Variants in ZNF385D observed in about 807,000 individuals in gnomAD.
ZNF385D encodes zinc finger protein 385D.
ZNF385D carries 15 observed loss-of-function variants against 35.8 expected under a neutral mutation model. The ratio of observed to expected loss-of-function variants is 0.42; its 90% CI spans 0.28 to 0.64. The LOEUF (loss-of-function observed/expected upper bound fraction) is 0.64. Ranked by LOEUF, ZNF385D falls within the 30% of genes least tolerant of loss-of-function variation. The probability of loss-of-function intolerance (pLI) is 0.23; values close to 1 mark genes in which losing one functional copy is unlikely to be tolerated. For missense variants in ZNF385D, 474 were observed against 494.6 expected (o/e 0.96, Z 0.39); for synonymous variants, 212 against 186.8 (o/e 1.13, Z -1.10).
intron 3 of ZNF385D, among the ~76,000 whole-genome samples, chr3:21,865,461 CA>C (rs1358246239): frequency 6.6e-6 from 1 of 151,996 alleles, no homozygotes; most frequent in African/African-American, 2.4e-5. Context: ...TGAATGGGTC[CA>C]GGGGGATAGA....
intron 3 of ZNF385D, among the ~76,000 whole-genome samples, chr3:21,769,974 C>G (rs1213722167): frequency 6.6e-6 from 1 of 152,130 alleles, no homozygotes. Context: ...CTGACAAAAA[C>G]AAGCAATGGG....
chr3:21,577,763 G>C (rs2063535354), intron 2 of ZNF385D, among the ~76,000 whole-genome samples: 1 of 150,592 alleles, frequency 6.6e-6, no homozygotes, highest in South Asian at 2.1e-4. Flanking sequence ...GATAATTAGT[G>C]ATGTTGAGCA....
At chr3:22,094,190 CAT>C (rs1466116525) in intron 3 of ZNF385D, among the ~76,000 whole-genome samples, 52 of 151,108 alleles carry the variant, frequency 3.4e-4, no homozygotes, top group Non-Finnish European at 5.6e-4. Context: ...TTATATTATT[CAT>C]CTTTTGGTTG....
intron 2 of ZNF385D, among the ~76,000 whole-genome samples, chr3:21,630,315 C>G (rs955837583): frequency 6.6e-5 from 10 of 151,508 alleles, no homozygotes; most frequent in Non-Finnish European, 1.5e-4. Flanking sequence ...AAGTGATTCT[C>G]CTGTCTCAGC....
chr3:21,997,946 A>G (rs954936375), intron 3 of ZNF385D, among the ~76,000 whole-genome samples: 1 of 151,752 alleles, frequency 6.6e-6, no homozygotes, highest in Non-Finnish European at 1.5e-5. Context: ...AGAAATTGAG[A>G]TAGAAGATCA....
chr3:22,025,201 C>G (rs1159499115), intron 3 of ZNF385D, among the ~76,000 whole-genome samples: 1 of 152,160 alleles, frequency 6.6e-6, no homozygotes, highest in Non-Finnish European at 1.5e-5. Flanking sequence ...CTCACCCATG[C>G]TGCCATCAGC....
intron 2 of ZNF385D, among the ~76,000 whole-genome samples, chr3:22,362,107 G>C (rs959217128): frequency 2.0e-5 from 3 of 151,428 alleles, no homozygotes; most frequent in East Asian, 3.9e-4. Flanking sequence ...TAAAACTTCT[G>C]AATTATGGAA....
intron 3 of ZNF385D, among the ~76,000 whole-genome samples, chr3:21,990,694 T>C (rs571140639): frequency 1.3e-5 from 2 of 152,354 alleles, no homozygotes; most frequent in East Asian, 3.9e-4. Context: ...ACAGAAATCT[T>C]GAGTCTTTCC....
At chr3:21,794,891 C>T (rs1411675214) in intron 3 of ZNF385D, among the ~76,000 whole-genome samples, 3 of 152,136 alleles carry the variant, frequency 2.0e-5, no homozygotes, top group East Asian at 1.9e-4. Flanking sequence ...AATATTGTCA[C>T]ATATCATACA....
At chr3:22,084,502 G>C (rs1050768178) in intron 3 of ZNF385D, among the ~76,000 whole-genome samples, 1 of 152,122 alleles carries the variant, frequency 6.6e-6, no homozygotes, top group African/African-American at 2.4e-5. Flanking sequence ...TAATGGTAAA[G>C]GGATCAATTC....
chr3:22,193,245 G>T (rs1263498427), intron 2 of ZNF385D, among the ~76,000 whole-genome samples: 2 of 152,020 alleles, frequency 1.3e-5, no homozygotes, highest in Non-Finnish European at 2.9e-5. Context: ...CTCTTTCACA[G>T]TGTAGCCCTT....
intron 3 of ZNF385D, among the ~76,000 whole-genome samples, chr3:21,939,929 G>A (rs963370907): frequency 1.8e-4 from 28 of 152,196 alleles, no homozygotes; most frequent in African/African-American, 6.3e-4. Context: ...CATAGGGAGT[G>A]ATGAATGGAA....
chr3:21,990,368 A>G (rs1695083185), intron 3 of ZNF385D, among the ~76,000 whole-genome samples: 1 of 151,846 alleles, frequency 6.6e-6, no homozygotes. Context: ...GTTAGAAATC[A>G]CTCTCCATTT....
chr3:21,517,481 G>A (rs1707649755), intron 3 of ZNF385D, among the ~76,000 whole-genome samples: 1 of 152,160 alleles, frequency 6.6e-6, no homozygotes. Flanking sequence ...CTCATCAGTA[G>A]TTTATTCCCT....
chr3:22,197,139 G>A (rs1696473914), intron 2 of ZNF385D, among the ~76,000 whole-genome samples: 1 of 151,822 alleles, frequency 6.6e-6, no homozygotes, highest in Non-Finnish European at 1.5e-5. Flanking sequence ...CCTTTTAAAG[G>A]TGGAATTTTT....
At chr3:22,062,236 T>C (rs1699726974) in intron 3 of ZNF385D, among the ~76,000 whole-genome samples, 3 of 151,978 alleles carry the variant, frequency 2.0e-5, no homozygotes, top group Admixed American at 1.3e-4. Flanking sequence ...ATTTTTATTT[T>C]GTAGAGACAG....
intron 2 of ZNF385D, among the ~76,000 whole-genome samples, chr3:22,310,657 A>G (rs928890477): frequency 3.3e-5 from 5 of 151,884 alleles, no homozygotes; most frequent in Non-Finnish European, 4.4e-5. Flanking sequence ...GTAAATTTAA[A>G]CTTTTATCAG....
intron 3 of ZNF385D, among the ~76,000 whole-genome samples, chr3:22,070,983 T>C: frequency 6.6e-6 from 1 of 152,118 alleles, no homozygotes; most frequent in Admixed American, 6.6e-5. Flanking sequence ...TTCTCCAGTC[T>C]GCCAAAATTG....
chr3:22,213,403 C>G (rs1697653017), intron 2 of ZNF385D, among the ~76,000 whole-genome samples: 1 of 152,010 alleles, frequency 6.6e-6, no homozygotes, highest in Non-Finnish European at 1.5e-5. Flanking sequence ...GTTTGTGGAT[C>G]TAAAGCAGAG....
Sources: gnomAD v4.1 joint callset for allele counts (sites outside exome capture counted in the v4.1 genomes callset) on GRCh38, gnomAD v4.1.1 for gene constraint, MANE v1.5 for transcripts, NCBI Gene and HGNC (gene_info 2026-07-23, HGNC 2026-07-21) for gene names.